The following CARMIL2 variants were observed in gnomAD, a reference collection of about 807,000 sequenced individuals.
CARMIL2 encodes capping protein, Arp2/3 and myosin-I linker protein 2.
Under a neutral mutation model 173.3 loss-of-function variants are expected in CARMIL2, and 96 were observed. The ratio of observed to expected loss-of-function variants is 0.55; its 90% CI spans 0.47 to 0.66. CARMIL2 has a LOEUF of 0.66. Among genes scored for constraint, CARMIL2 ranks in the 30% least tolerant of loss-of-function variants. The pLI is 0.00. For missense variants in CARMIL2, 1,771 were observed against 1,906.7 expected (o/e 0.93, Z 1.33); for synonymous variants, 830 against 817.1 (o/e 1.02, Z -0.27).
In CARMIL2 at chr16:67,654,668, A is replaced by C; in HGVS notation, c.3558A>C (p.Ala1186=). 6.3e-7 allele frequency: 1 copy of C among 1,586,876 alleles called. No individual in the cohort carries two copies. Among genetic ancestry groups the C allele is most frequent in the Non-Finnish European group, 8.6e-7 (1 of 1,165,220 alleles). ...TACTGCTGCCTGCCGAGGAGGAGGC[A>C]ACGCTGGGTGCCAGACCCGACAAGG... is the stretch of plus-strand genomic sequence containing the variant. The part of the protein sequence containing the change: ...SMILLPAEEE[A]TLGARPDKRR... Residue 1186 remains alanine (A), a synonymous_variant, in exon 31 of 38, where the codon GCA becomes GCC. Coordinates refer to ENST00000334583, the MANE Select transcript of CARMIL2 (RefSeq NM_001013838.3).
At position 67,654,163 on chromosome 16, in the gene CARMIL2, G is replaced by A. The variant is rs558514385; in HGVS notation, c.3135G>A (p.Leu1045=). ...PPGGPQVPPA[L]PQEGNGLSAR... is the part of the protein sequence containing the mutation. ...ATGCCCCCCAGGTACCCCCAGCCTT[G>A]CCGCAGGAAGGGAATGGGCTCAGTG... The change falls in exon 30 of 38, where the codon TTG becomes TTA. Residue 1045 remains leucine (L), a synonymous_variant. Coordinates refer to ENST00000334583, the MANE Select transcript of CARMIL2 (RefSeq NM_001013838.3). 4 of 1,555,844 alleles carry A rather than the reference G, an allele frequency of 2.6e-6. No individual in the cohort carries two copies. In the South Asian group the frequency reaches 4.7e-5, roughly 18 times the overall value.
In CARMIL2 at chr16:67,646,618, G is replaced by T. The variant is rs533688517; in HGVS notation, c.467-96G>T. The T allele has an allele frequency of 6.4e-7, 1 of 1,570,738 alleles. No homozygotes were observed. ...CCCCAAACTGAACAGAGCCATTCAG[G>T]TCCCAGCCACCACCTAGTCTGTGGG... On this transcript the variant is annotated intron_variant, in intron 6 of 37. Transcript: ENST00000334583. This position sits in a 1 kb window ranked among gnomAD's most constrained non-coding sequence, Gnocchi z 4.6.
Position 67,647,785 on chromosome 16 carries a change from G to A in CARMIL2, c.958+19G>A, listed in dbSNP as rs1163762853. 5 of 1,405,234 alleles carry A rather than the reference G, an allele frequency of 3.6e-6. No homozygotes were observed. The Admixed American group carries it at 7.8e-5, about 22-fold the overall frequency. 87.0% of individuals were successfully genotyped at this position (1,405,234 alleles called of 1,614,324 possible). ...CCGCGAGGTAGGCTGGATGAGGGAG[G>A]GGGTGAGGGGAGGGGGGTGGGGGTC... On this transcript the variant is annotated intron_variant, in intron 12 of 37. Transcript: ENST00000334583.
chr16:67,653,939 T>C lies in CARMIL2; in HGVS notation c.3121-210T>C, dbSNP rs1359852897. Among the ~76,000 whole-genome samples, 1 of 151,952 alleles carries C rather than the reference T, an allele frequency of 6.6e-6. No individual in the cohort carries two copies. The highest frequency in any genetic ancestry group is 1.5e-5 in the Non-Finnish European group (1 of 67,954). On this transcript the variant is annotated intron_variant, in intron 29 of 37. Transcript: ENST00000334583. This position sits in a 1 kb window ranked among gnomAD's most constrained non-coding sequence, Gnocchi z 7.4. ...GGGACAAGGACGGGTGTGGACTGGG[T>C]GTGCGGGAGCCAGCAGCGAGTGAGG...
chr16:67,648,888 T>G lies in CARMIL2; in HGVS notation c.1510-5T>G, dbSNP rs1375873724. On this transcript the variant is annotated splice_region_variant and splice_polypyrimidine_tract_variant and intron_variant, in intron 16 of 37. Transcript: ENST00000334583. The surrounding 1 kb of genome is among the most constrained non-coding windows in gnomAD (Gnocchi z 6.1). ...CACTTCCCACCTCCCACCTCCCACA[T>G]ACAGCTGCGCTCGGCCGGCGCCCAG... The G allele has an allele frequency of 6.9e-6, 11 of 1,602,000 alleles. No homozygotes were observed. The highest frequency in any genetic ancestry group is 1.3e-5 in the African/African-American group (1 of 74,720).
rs1433795446 is a variant in CARMIL2 at position 67,656,889 on chromosome 16, G to GA, written c.4117+9dup. On this transcript the variant is annotated intron_variant, in intron 36 of 37. Coordinates refer to ENST00000334583, the MANE Select transcript of CARMIL2 (RefSeq NM_001013838.3). ...AGCTCCAGGCCCCTGCTGGTGAGGG[G>GA]AGACACCTCCACGTGTGCTTGAATG... The GA allele has an allele frequency of 6.5e-7, 1 of 1,541,340 alleles. No homozygotes were observed. Among genetic ancestry groups the GA allele is most frequent in the East Asian group, 2.5e-5 (1 of 40,704 alleles).
Position 67,651,778 on chromosome 16 carries a change from G to T in CARMIL2, c.2521G>T (p.Ala841Ser). The T allele has an allele frequency of 6.2e-7, 1 of 1,606,992 alleles. No individual in the cohort carries two copies. The highest frequency in any genetic ancestry group is 8.5e-7 in the Non-Finnish European group (1 of 1,177,364). ...SWREQLEGVL[A>S]GSRGLPELLP... ...GAGGGAGCAGCTAGAGGGGGTCCTG[G>T]CAGGCTCGAGGGGCCTCCCGGAGCT... is the stretch of plus-strand genomic sequence containing the variant. Residue 841 changes from alanine to serine, a missense_variant, in exon 25 of 38, where the codon GCA becomes TCA. Coordinates refer to ENST00000334583, the MANE Select transcript of CARMIL2 (RefSeq NM_001013838.3). This position sits in a 1 kb window ranked among gnomAD's most constrained non-coding sequence, Gnocchi z 4.2.
chr16:67,645,906 G>C, intron 3 of CARMIL2, 112 bp from the exon 4 acceptor site: 2 of 1,554,708 alleles, frequency 1.3e-6, no homozygotes, highest in Admixed American at 3.4e-5. Context: ...CTGGGCAGCC[G>C]ACAGGAGGGG....
rs1244667895 is a variant in CARMIL2 at position 67,649,384 on chromosome 16, AC to A, written c.1747-60del. 68 of 1,609,240 alleles carry A rather than the reference AC, an allele frequency of 4.2e-5. No homozygotes were observed. Among genetic ancestry groups the A allele is most frequent in the Non-Finnish European group, 4.8e-5 (57 of 1,179,008 alleles). Reference sequence around the variant, plus strand: ...GTCCTCCTTTCTCTTGTTCCCTCAGACCCTGTGACCTGCCCTCACTGACCCC... The same window carrying A: ...GTCCTCCTTTCTCTTGTTCCCTCAGACCTGTGACCTGCCCTCACTGACCCC... On this transcript the variant is annotated intron_variant, in intron 19 of 37. Transcript: ENST00000334583. This position sits in a 1 kb window ranked among gnomAD's most constrained non-coding sequence, Gnocchi z 6.7.
At chr16:67,650,950 G>A in intron 22 of CARMIL2, 1 of 496,254 alleles carries the variant, frequency 2.0e-6, no homozygotes, top group Non-Finnish European at 3.6e-6. Flanking sequence ...ACACAGACAT[G>A]ATTTACAACT....
At position 67,646,722 on chromosome 16, in the gene CARMIL2, T is replaced by C; in HGVS notation, c.475T>C (p.Leu159=). 6.2e-7 allele frequency: 1 copy of C among 1,613,996 alleles called. No homozygotes were observed. The highest frequency in any genetic ancestry group is 8.5e-7 in the Non-Finnish European group (1 of 1,179,884). Residue 159 remains leucine (L), a synonymous_variant, in exon 7 of 38, where the codon TTG becomes CTG. Coordinates refer to ENST00000334583, the MANE Select transcript of CARMIL2 (RefSeq NM_001013838.3). The surrounding 1 kb of genome is among the most constrained non-coding windows in gnomAD (Gnocchi z 4.6). ...TDPCSPCGGF[L]ETYEALCDYN... is the part of the protein sequence containing the mutation. ...CCCTATCCCCTCCCCAGGTGGCTTCTTGGAGACATACGAGGCTCTGTGTGA... is the reference window on the plus strand; with the variant it reads ...CCCTATCCCCTCCCCAGGTGGCTTCCTGGAGACATACGAGGCTCTGTGTGA...
At chr16:67,647,428 G>A (rs2052615492) in intron 10 of CARMIL2, 41 bp downstream of exon 10, 2 of 1,559,770 alleles carry the variant, frequency 1.3e-6, no homozygotes, top group East Asian at 2.4e-5. Context: ...AGAGTCTGGA[G>A]GCTTGGGACT....
Position 67,652,489 on chromosome 16 carries a change from G to A in CARMIL2, c.2835G>A (p.Gln945=). The change falls in exon 28 of 38, where the codon CAG becomes CAA. Residue 945 remains glutamine (Q), a synonymous_variant. Coordinates refer to ENST00000334583, the MANE Select transcript of CARMIL2 (RefSeq NM_001013838.3). This position sits in a 1 kb window ranked among gnomAD's most constrained non-coding sequence, Gnocchi z 4.7. ...CCCACCAGGATGACAGTCCTCCACA[G>A]AAATGGCCTGAGCTCAGCCACGGTC... is the stretch of plus-strand genomic sequence containing the variant. The part of the protein sequence containing the change: ...EEKEKDDSPP[Q]KWPELSHGLH... 1 of 1,613,632 alleles carries A rather than the reference G, an allele frequency of 6.2e-7. No homozygotes were observed. Among genetic ancestry groups the A allele is most frequent in the Non-Finnish European group, 8.5e-7 (1 of 1,179,796 alleles).
rs1411241175 is a variant in CARMIL2, at chr16:67,649,511, C to T, written c.1811C>T (p.Ala604Val). ...LKLGASVLLR[A>V]LATNPNLTAL... ...CTGGGTGCCAGCGTCCTACTCCGGG[C>T]CCTAGCCACCAATCCTAACCTGACC... Residue 604 changes from alanine (A) to valine (V), a missense_variant, in exon 20 of 38, where the codon GCC becomes GTC. Transcript: ENST00000334583. This position sits in a 1 kb window ranked among gnomAD's most constrained non-coding sequence, Gnocchi z 6.7. The T allele has an allele frequency of 5.0e-6, 8 of 1,608,638 alleles. No individual in the cohort carries two copies. Among genetic ancestry groups the T allele is most frequent in the Middle Eastern group, 1.6e-4 (1 of 6,084 alleles).
rs1197069511 is a variant in CARMIL2 at position 67,654,212 on chromosome 16, G to A, written c.3184G>A (p.Glu1062Lys). 5 of 1,570,776 alleles carry A rather than the reference G, an allele frequency of 3.2e-6. No homozygotes were observed. Among genetic ancestry groups the A allele is most frequent in the East Asian group, 2.4e-5 (1 of 42,490 alleles). Residue 1062 changes from glutamate to lysine, a missense_variant, in exon 30 of 38, where the codon GAA (glutamate) becomes AAA (lysine). Transcript: ENST00000334583. ...TGCCCGCGTGGACGAGGGCGTGGAGGAATTCTTCTCCAAAAGGCTGATCCA... is the reference window on the plus strand; with the variant it reads ...TGCCCGCGTGGACGAGGGCGTGGAGAAATTCTTCTCCAAAAGGCTGATCCA... Reference protein sequence around the residue: ...LSARVDEGVEEFFSKRLIQQD... With the variant: ...LSARVDEGVEKFFSKRLIQQD...
chr16:67,651,942 G>C lies in CARMIL2; in HGVS notation c.2610G>C (p.Thr870=). The C allele has an allele frequency of 6.2e-7, 1 of 1,613,566 alleles. No homozygotes were observed. Among genetic ancestry groups the C allele is most frequent in the Non-Finnish European group, 8.5e-7 (1 of 1,179,860 alleles). ...TRLRDMRLSI[T]GTLAESIVAQ... ...TTAGGGACATGCGGCTATCAATCAC[G>C]GGGACCTTGGCAGAGAGCATTGTGG... Residue 870 remains threonine (T), a synonymous_variant, in exon 26 of 38, where the codon ACG becomes ACC. Transcript: ENST00000334583. This position sits in a 1 kb window ranked among gnomAD's most constrained non-coding sequence, Gnocchi z 4.2.
In CARMIL2 at chr16:67,653,724, C is replaced by T. The variant is rs1299200842; in HGVS notation, c.3121-425C>T. ...GGGGAGGAGCCGGCTTGAGGCCCCC[C>T]AGAGGGTCTGACGCAGCAGCCGGCG... On this transcript the variant is annotated intron_variant, in intron 29 of 37. Transcript: ENST00000334583. This position sits in a 1 kb window ranked among gnomAD's most constrained non-coding sequence, Gnocchi z 7.4. Among the ~76,000 whole-genome samples, 1 of 151,612 alleles carries T rather than the reference C, an allele frequency of 6.6e-6. No homozygotes were observed. Among genetic ancestry groups the T allele is most frequent in the Non-Finnish European group, 1.5e-5 (1 of 67,884 alleles).
chr16:67,652,115 G>A lies in CARMIL2; in HGVS notation c.2677-84G>A. ...TGTCTTCTGGGGTCATGTAGCCCAG[G>A]GCTATTTCAGGGTCCCCTTAGTTAG... On this transcript the variant is annotated intron_variant, in intron 26 of 37. Transcript: ENST00000334583. This position sits in a 1 kb window ranked among gnomAD's most constrained non-coding sequence, Gnocchi z 4.7. The A allele has an allele frequency of 1.3e-6, 2 of 1,593,886 alleles. No homozygotes were observed. Among genetic ancestry groups the A allele is most frequent in the Non-Finnish European group, 8.6e-7 (1 of 1,166,368 alleles).
At position 67,651,625 on chromosome 16, in the gene CARMIL2, C is replaced by T. The variant is rs758866700; in HGVS notation, c.2428-60C>T. The T allele has an allele frequency of 1.4e-4, 219 of 1,580,730 alleles. No homozygotes were observed. The highest frequency in any genetic ancestry group is 1.8e-4 in the Non-Finnish European group (210 of 1,164,154). On this transcript the variant is annotated intron_variant, in intron 24 of 37. Transcript: ENST00000334583. This position sits in a 1 kb window ranked among gnomAD's most constrained non-coding sequence, Gnocchi z 4.2. ...CAATATTCTGTTGGAGTTGGAGCCT[C>T]AAGCCAGCAGCCTGGTGTCTGGCCA... is the stretch of plus-strand genomic sequence containing the variant.
Sources: allele counts gnomAD v4.1 joint callset (sites outside exome capture counted in the v4.1 genomes callset), GRCh38; gene constraint gnomAD v4.1.1; non-coding constraint Gnocchi (gnomAD v3.1); transcripts MANE v1.5; gene names NCBI Gene and HGNC (gene_info 2026-07-23, HGNC 2026-07-21).